Variants in APBA1 observed in about 807,000 individuals in gnomAD.
The protein encoded by APBA1 is amyloid beta precursor protein binding family A member 1.
A neutral mutation model predicts 86.6 loss-of-function variants in APBA1; 55 were observed. The observed-to-expected ratio is 0.64, with a 90% CI of 0.51 to 0.80. The LOEUF (loss-of-function observed/expected upper bound fraction) is 0.80, where lower values mean the gene tolerates loss of function less well. APBA1 is among the 30% of genes least tolerant of loss of function. The pLI is 0.00. For synonymous variants in APBA1, 511 were observed against 493.9 expected, an observed-to-expected ratio of 1.03 and a Z score of -0.46; for missense variants, 1,090 against 1,183.0, an observed-to-expected ratio of 0.92 and a Z score of 1.15.
At chr9:69,464,254 A>G (rs148600272) in intron 5 of APBA1, 109 of 152,372 alleles carry the variant, frequency 7.2e-4, no homozygotes, top group African/African-American at 2.5e-3. Context: ...TATAACGTCA[A>G]CCAATCTGAT....
intron 1 of APBA1, among the ~76,000 whole-genome samples, chr9:69,582,372 A>T (rs1564083447): frequency 6.6e-6 from 1 of 152,318 alleles, no homozygotes; most frequent in South Asian, 2.1e-4. Context: ...CTACTGCGGG[A>T]CGGGTCGCTT....
chr9:69,546,677 G>T (rs1307958387), intron 1 of APBA1, among the ~76,000 whole-genome samples: 3 of 152,128 alleles, frequency 2.0e-5, no homozygotes, highest in African/African-American at 7.2e-5. Context: ...GTGGGCAAAA[G>T]AAAAAACATC....
chr9:69,557,894 A>G (rs1836887598), intron 1 of APBA1, among the ~76,000 whole-genome samples: 1 of 152,138 alleles, frequency 6.6e-6, no homozygotes, highest in Admixed American at 6.6e-5. Context: ...CTTGAAATGT[A>G]TATTGTCTAA....
chr9:69,648,696 C>T (rs547069945), intron 1 of APBA1, among the ~76,000 whole-genome samples: 1 of 152,160 alleles, frequency 6.6e-6, no homozygotes, highest in Admixed American at 6.5e-5. Context: ...TCCAAGCACT[C>T]TAACTCCTGG....
intron 1 of APBA1, among the ~76,000 whole-genome samples, chr9:69,671,234 A>C (rs1030850610): frequency 2.6e-5 from 4 of 152,158 alleles, no homozygotes; most frequent in Non-Finnish European, 4.4e-5. Context: ...CAAGAGAAAA[A>C]CAATAGAAAC....
At chr9:69,515,893 T>C in intron 2 of APBA1, 118 bp downstream of exon 2, 1 of 1,132,714 alleles carries the variant, frequency 8.8e-7, no homozygotes, top group Non-Finnish European at 1.2e-6. Context: ...GAAAAGTTCT[T>C]AGCGTCCCCA....
At chr9:69,626,826 A>G (rs1289174094) in intron 1 of APBA1, among the ~76,000 whole-genome samples, 1 of 151,568 alleles carries the variant, frequency 6.6e-6, no homozygotes, top group African/African-American at 2.4e-5. Context: ...GCCCATATTT[A>G]TTTACCTACT....
At chr9:69,600,282 A>G (rs1822321660) in intron 1 of APBA1, among the ~76,000 whole-genome samples, 1 of 152,214 alleles carries the variant, frequency 6.6e-6, no homozygotes, top group East Asian at 1.9e-4. Context: ...ACCATGGTTT[A>G]GGACCAGATG....
intron 11 of APBA1, among the ~76,000 whole-genome samples, chr9:69,435,188 CTA>C (rs1834684009): frequency 6.6e-6 from 1 of 152,018 alleles, no homozygotes; most frequent in Admixed American, 6.6e-5. Flanking sequence ...TTAATCTAGT[CTA>C]TCATTGTTGG....
At chr9:69,435,949 T>C (rs1834708774) in intron 11 of APBA1, among the ~76,000 whole-genome samples, 1 of 152,154 alleles carries the variant, frequency 6.6e-6, no homozygotes, top group Non-Finnish European at 1.5e-5. Flanking sequence ...CTTGAATTAA[T>C]TTTTTATAAG....
Position 69,601,281 on chromosome 9 carries a change from T to C in APBA1, c.-70+70872A>G, listed in dbSNP as rs545562228. Among the ~76,000 whole-genome samples, 3 of 152,350 alleles carry C rather than the reference T, an allele frequency of 2.0e-5. No homozygotes were observed. In the South Asian group the frequency reaches 6.2e-4, roughly 32 times the overall value. ...CAACATAGTTGAGATACAATAAAGA[T>C]AATATTAATTAGTATTCATGTAATA... On this transcript the variant is annotated intron_variant, in intron 1 of 12. Coordinates refer to ENST00000265381, the MANE Select transcript of APBA1 (RefSeq NM_001163.4).
intron 10 of APBA1, among the ~76,000 whole-genome samples, chr9:69,446,921 G>A (rs1834919322): frequency 1.3e-5 from 2 of 152,170 alleles, no homozygotes; most frequent in Admixed American, 1.3e-4. Flanking sequence ...CCTTGTCTGA[G>A]TCTGTTCTTA....
intron 2 of APBA1, chr9:69,494,621 C>T (rs557259703): frequency 1.1e-3 from 166 of 152,268 alleles, no homozygotes; most frequent in African/African-American, 3.9e-3. Flanking sequence ...ATGAAATGCG[C>T]TACAATTTGG....
At chr9:69,600,545 G>C (rs976276649) in intron 1 of APBA1, among the ~76,000 whole-genome samples, 1 of 152,104 alleles carries the variant, frequency 6.6e-6, no homozygotes, top group East Asian at 1.9e-4. Flanking sequence ...GCTCACATCT[G>C]TAACCTCAGC....
intron 1 of APBA1, among the ~76,000 whole-genome samples, chr9:69,532,967 A>T (rs1461935906): frequency 6.6e-6 from 1 of 152,236 alleles, no homozygotes; most frequent in African/African-American, 2.4e-5. Context: ...GGCTATTTAA[A>T]TGACTAATGC....
At position 69,452,155 on chromosome 9, in the gene APBA1, C is replaced by G. The variant is rs1835021014; in HGVS notation, c.1935G>C (p.Leu645=). 5.6e-6 allele frequency: 9 copies of G among 1,614,044 alleles called. No homozygotes were observed. Among genetic ancestry groups the G allele is most frequent in the Non-Finnish European group, 7.6e-6 (9 of 1,180,014 alleles). The change falls in exon 9 of 13, where the codon CTG becomes CTC. Residue 645 remains leucine, a synonymous_variant. Transcript: ENST00000265381. ...LNTQDMYNDD[L]IHFSKSENCK... Reference sequence around the variant, plus strand: ...AGTTTTCCGACTTGGAGAAGTGGATCAGGTCATCGTTGTACATGTCCTGGG... The same window carrying G: ...AGTTTTCCGACTTGGAGAAGTGGATGAGGTCATCGTTGTACATGTCCTGGG...
At chr9:69,432,810 A>C in intron 11 of APBA1, 134 bp from the exon 12 acceptor site, 1 of 911,448 alleles carries the variant, frequency 1.1e-6, no homozygotes, top group Non-Finnish European at 1.5e-6. Context: ...TGGGCATTTA[A>C]CTCTCTTAGT....
intron 1 of APBA1, among the ~76,000 whole-genome samples, chr9:69,632,556 G>A (rs1474611591): frequency 6.6e-6 from 1 of 152,048 alleles, no homozygotes; most frequent in African/African-American, 2.4e-5. Context: ...GAAACTAAAC[G>A]ACTTAATATA....
At chr9:69,535,289 A>G (rs1434327803) in intron 1 of APBA1, among the ~76,000 whole-genome samples, 1 of 152,150 alleles carries the variant, frequency 6.6e-6, no homozygotes, top group Non-Finnish European at 1.5e-5. Context: ...TATTTCCTCT[A>G]AGACTCTAGC....
Sources: gnomAD v4.1 joint callset for allele counts (sites outside exome capture counted in the v4.1 genomes callset) on GRCh38, gnomAD v4.1.1 for gene constraint, MANE v1.5 for transcripts, NCBI Gene and HGNC (gene_info 2026-07-23, HGNC 2026-07-21) for gene names.